The following BBS5 variants were observed in gnomAD, a reference collection of about 807,000 sequenced individuals.
BBS5 encodes the protein BBSome complex member BBS5.
A neutral mutation model predicts 50.2 loss-of-function variants in BBS5; 39 were observed. That is an observed-to-expected ratio of 0.78 (90% CI 0.60 to 1.01). The LOEUF is 1.01. Ranked by LOEUF, BBS5 falls within the 50% of genes least tolerant of loss-of-function variation. The pLI, the probability that BBS5 is intolerant of heterozygous loss-of-function variation, is 0.00. For missense variants in BBS5, 356 were observed against 401.5 expected, an observed-to-expected ratio of 0.89 and a Z score of 0.97; for synonymous variants, 134 against 133.1, an observed-to-expected ratio of 1.01 and a Z score of -0.05.
Position 169,505,821 on chromosome 2 carries a change from G to A in BBS5, c.*1239G>A, listed in dbSNP as rs1456595558. 4.9e-5 allele frequency: 8 copies of A among 162,636 alleles called. No homozygotes were observed. The highest frequency in any genetic ancestry group is 1.0e-4 in the Non-Finnish European group (8 of 76,564). The allele number at this position is 162,636 out of a possible 1,614,324, so 10.1% of individuals were successfully genotyped here. ...GCCCGGCAGCCACCCAGTCCGGGAG[G>A]GAGGTGGGGGGGTCAGTCCCCCGTC... On this transcript the variant is annotated 3_prime_UTR_variant, in exon 12 of 12. Transcript: ENST00000295240.
At chr2:169,490,342 T>G (rs6721826) in intron 5 of BBS5, among the ~76,000 whole-genome samples, 2 of 150,702 alleles carry the variant, frequency 1.3e-5, no homozygotes, top group Non-Finnish European at 1.5e-5. Context: ...TACAGGCGCC[T>G]GCCACCACGC....
intron 10 of BBS5, 135 bp from the exon 11 acceptor site, chr2:169,504,165 GAAA>G: frequency 2.5e-6 from 2 of 805,498 alleles, no homozygotes; most frequent in Non-Finnish European, 4.2e-6. Context: ...AGAGATAGGT[GAAA>G]AAAACATTAC....
chr2:169,486,301 A>G (rs1412705706), intron 2 of BBS5, among the ~76,000 whole-genome samples: 3 of 152,278 alleles, frequency 2.0e-5, no homozygotes, highest in African/African-American at 4.8e-5. Context: ...GTGTTTAAAC[A>G]AAGTGAGTCT....
At chr2:169,503,611 GTTAA>G (rs1306968007) in intron 10 of BBS5, among the ~76,000 whole-genome samples, 4 of 152,128 alleles carry the variant, frequency 2.6e-5, no homozygotes, top group Admixed American at 6.5e-5. Flanking sequence ...GTTAAATATT[GTTAA>G]TTAAATTAAT....
At chr2:169,482,736 G>T in intron 2 of BBS5, 1 of 237,156 alleles carries the variant, frequency 4.2e-6, no homozygotes, top group South Asian at 6.2e-5. Flanking sequence ...AATCACCTAT[G>T]GTTGTCACCT....
chr2:169,484,520 C>T (rs921890091), intron 2 of BBS5, among the ~76,000 whole-genome samples: 2 of 152,182 alleles, frequency 1.3e-5, no homozygotes, highest in East Asian at 3.8e-4. Context: ...TTCTAGCCAT[C>T]TCCCTCCCCT....
intron 5 of BBS5, among the ~76,000 whole-genome samples, chr2:169,491,913 C>T (rs971690604): frequency 2.6e-5 from 4 of 152,126 alleles, no homozygotes; most frequent in Non-Finnish European, 4.4e-5. Context: ...TCTTCTGCCT[C>T]AGTCTCCCAA....
intron 9 of BBS5, 59 bp downstream of exon 9, chr2:169,499,679 A>G (rs1683764053): frequency 6.6e-7 from 1 of 1,509,478 alleles, no homozygotes; most frequent in Non-Finnish European, 9.2e-7. Flanking sequence ...TATAAAATTC[A>G]GATGTAGATA....
At position 169,487,788 on chromosome 2, in the gene BBS5, T is replaced by C; in HGVS notation, c.209-18T>C. ...GTACCATATCATGCTCTTTACATTCTTTGCTTTTGGATTTTAGCTGTCGGT... is the reference window on the plus strand; with the variant it reads ...GTACCATATCATGCTCTTTACATTCCTTGCTTTTGGATTTTAGCTGTCGGT... On this transcript the variant is annotated intron_variant, in intron 3 of 11. Transcript: ENST00000295240. The C allele has an allele frequency of 6.3e-7, 1 of 1,590,556 alleles. No homozygotes were observed. The highest frequency in any genetic ancestry group is 8.6e-7 in the Non-Finnish European group (1 of 1,160,026).
chr2:169,502,925 G>A (rs1683835385), intron 9 of BBS5, among the ~76,000 whole-genome samples, 170 bp from the exon 10 acceptor site: 1 of 151,988 alleles, frequency 6.6e-6, no homozygotes, highest in South Asian at 2.1e-4. Context: ...TGAAAGTTTA[G>A]GTTTAATTGA....
intron 7 of BBS5, among the ~76,000 whole-genome samples, chr2:169,495,984 T>TGG (rs1683685557): frequency 6.6e-6 from 1 of 152,216 alleles, no homozygotes; most frequent in Admixed American, 6.5e-5. Flanking sequence ...ATACTCTTGA[T>TGG]GGGGTGTAAA....
chr2:169,504,764 G>A lies in BBS5; in HGVS notation c.*182G>A, dbSNP rs572469141. 2.7e-4 allele frequency: 374 copies of A among 1,379,184 alleles called. No homozygotes were observed. Among genetic ancestry groups the A allele is most frequent in the African/African-American group, 1.4e-3 (98 of 68,790 alleles). The allele number at this position is 1,379,184 out of a possible 1,614,324, so 85.4% of individuals were successfully genotyped here. On this transcript the variant is annotated 3_prime_UTR_variant, in exon 12 of 12. Transcript: ENST00000295240. Reference sequence around the variant, plus strand: ...AACTTCAGTTTTCGGCCAGCGCGTCGAGGGAGGGGCCAGCGACACATGGCC... The same window carrying A: ...AACTTCAGTTTTCGGCCAGCGCGTCAAGGGAGGGGCCAGCGACACATGGCC...
chr2:169,485,409 C>T (rs76100518), intron 2 of BBS5, among the ~76,000 whole-genome samples: 10,868 of 152,136 alleles, frequency 0.071, 541 homozygotes, highest in South Asian at 0.21. Context: ...CTGAGGAATA[C>T]AGAGGTTAGT....
At chr2:169,487,915 T>G (rs1273659589) in intron 4 of BBS5, 60 bp downstream of exon 4, 1 of 1,589,126 alleles carries the variant, frequency 6.3e-7, no homozygotes, top group Admixed American at 1.7e-5. Flanking sequence ...TATTTGAGAT[T>G]GATGTTTGTT....
Position 169,506,276 on chromosome 2 carries a change from C to G in BBS5, c.*1694C>G, listed in dbSNP as rs76655184. On this transcript the variant is annotated 3_prime_UTR_variant, in exon 12 of 12. Transcript: ENST00000295240. ...CTGGGAAGTGAGGAGCCCCTCTGCC[C>G]GGCCACCACCCCGTCTGGGAGGTGT... The G allele has an allele frequency of 6.0e-6, 1 of 167,814 alleles. No homozygotes were observed. The highest frequency in any genetic ancestry group is 1.7e-4 in the South Asian group (1 of 5,818). The allele number at this position is 167,814 out of a possible 1,614,324, so 10.4% of individuals were successfully genotyped here. A position where few individuals can be genotyped will look rare whatever the true frequency, so the allele number is the denominator to read the frequency against.
chr2:169,488,964 T>C (rs1683535699), intron 5 of BBS5, among the ~76,000 whole-genome samples: 1 of 152,056 alleles, frequency 6.6e-6, no homozygotes, highest in African/African-American at 2.4e-5. Flanking sequence ...GGTGTTTTGG[T>C]TTGTTTTAGG....
At chr2:169,481,225 G>A (rs1376402172) in intron 1 of BBS5, among the ~76,000 whole-genome samples, 1 of 152,142 alleles carries the variant, frequency 6.6e-6, no homozygotes, top group East Asian at 1.9e-4. Context: ...CATAGAAACA[G>A]AACAATTTAT....
At position 169,504,791 on chromosome 2, in the gene BBS5, A is replaced by G; in HGVS notation, c.*209A>G. The G allele has an allele frequency of 3.3e-6, 5 of 1,513,728 alleles. No homozygotes were observed. The highest frequency in any genetic ancestry group is 4.5e-6 in the Non-Finnish European group (5 of 1,114,064). The allele number at this position is 1,513,728 out of a possible 1,614,324, so 93.8% of individuals were successfully genotyped here. ...GGGAGGGGCCAGCGACACATGGCCT[A>G]GTAACCGTCCGGCCGCGGCGCTGGC... On this transcript the variant is annotated 3_prime_UTR_variant, in exon 12 of 12. Transcript: ENST00000295240.
intron 2 of BBS5, among the ~76,000 whole-genome samples, chr2:169,485,216 C>T (rs915557367): frequency 6.6e-6 from 1 of 151,734 alleles, no homozygotes; most frequent in Non-Finnish European, 1.5e-5. Context: ...ATATAAAAAC[C>T]AAAAAAAGTT....
Sources: gnomAD v4.1 joint callset for allele counts (sites outside exome capture counted in the v4.1 genomes callset) on GRCh38, gnomAD v4.1.1 for gene constraint, MANE v1.5 for transcripts, NCBI Gene and HGNC (gene_info 2026-07-23, HGNC 2026-07-21) for gene names.